The following DOCK3 variants were observed in gnomAD, a reference collection of about 807,000 sequenced individuals.
DOCK3 encodes the protein dedicator of cytokinesis protein 3.
Under a neutral mutation model 265.6 loss-of-function variants are expected in DOCK3, and 60 were observed. The observed-to-expected ratio is 0.23, with a 90% CI of 0.18 to 0.28. DOCK3 has a LOEUF of 0.28. Among genes scored for constraint, DOCK3 ranks in the 10% least tolerant of loss-of-function variants. The pLI, the probability that DOCK3 is intolerant of heterozygous loss-of-function variation, is 1.00. For synonymous variants in DOCK3, 881 were observed against 938.0 expected, an observed-to-expected ratio of 0.94 and a Z score of 1.11; for missense variants, 1,981 against 2,594.3, an observed-to-expected ratio of 0.76 and a Z score of 5.14.
intron 1 of DOCK3, among the ~76,000 whole-genome samples, chr3:50,755,731 C>G (rs2040118405): frequency 6.6e-6 from 1 of 152,120 alleles, no homozygotes; most frequent in Admixed American, 6.5e-5. Context: ...TTTGCCTATA[C>G]TGGACATTTC....
chr3:50,678,950 C>T (rs974593231), intron 1 of DOCK3, among the ~76,000 whole-genome samples: 1 of 152,138 alleles, frequency 6.6e-6, no homozygotes, highest in East Asian at 1.9e-4. Flanking sequence ...GCTGGGACTA[C>T]AGGTGCCCGC....
At chr3:50,832,521 G>T (rs974665627) in intron 2 of DOCK3, among the ~76,000 whole-genome samples, 1 of 152,038 alleles carries the variant, frequency 6.6e-6, no homozygotes, top group African/African-American at 2.4e-5. Flanking sequence ...TAGAAGAAAA[G>T]TGCAACCTGT....
intron 2 of DOCK3, among the ~76,000 whole-genome samples, chr3:50,826,022 T>C (rs2044737555): frequency 6.6e-6 from 1 of 151,990 alleles, no homozygotes; most frequent in South Asian, 2.1e-4. Context: ...GTATTTCCCA[T>C]GGCAAGCAGT....
intron 35 of DOCK3, among the ~76,000 whole-genome samples, chr3:51,336,521 C>T (rs1341627160): frequency 6.6e-6 from 1 of 152,170 alleles, no homozygotes; most frequent in African/African-American, 2.4e-5. Context: ...CAGCCCACTA[C>T]TCAGGTGAGC....
intron 49 of DOCK3, among the ~76,000 whole-genome samples, chr3:51,370,860 A>G (rs1249563684): frequency 1.3e-5 from 2 of 152,208 alleles, no homozygotes; most frequent in Non-Finnish European, 2.9e-5. Context: ...CAGGTGGGCT[A>G]GATATTCGAG....
intron 5 of DOCK3, among the ~76,000 whole-genome samples, chr3:51,017,612 C>T (rs904508085): frequency 1.3e-5 from 2 of 151,772 alleles, no homozygotes; most frequent in African/African-American, 2.4e-5. Context: ...TCTTCATTGA[C>T]TCACTTTTCA....
At chr3:50,908,093 T>A (rs2049632815) in intron 4 of DOCK3, among the ~76,000 whole-genome samples, 1 of 152,018 alleles carries the variant, frequency 6.6e-6, no homozygotes. Context: ...TAATTGTGTC[T>A]ATTTGATTCT....
At chr3:51,025,037 CACCAGCTGCCGTAAT>C (rs1049423448) in intron 5 of DOCK3, among the ~76,000 whole-genome samples, 1 of 152,182 alleles carries the variant, frequency 6.6e-6, no homozygotes, top group African/African-American at 2.4e-5. Context: ...TTCAAAAGAG[CACCAGCTGCCGTAAT>C]AACAGTGGGA....
intron 5 of DOCK3, among the ~76,000 whole-genome samples, chr3:50,941,018 A>G (rs376656615): frequency 9.2e-5 from 14 of 152,212 alleles, no homozygotes; most frequent in African/African-American, 3.4e-4. Context: ...ACCTAGTCTT[A>G]AGTGGAGACA....
intron 2 of DOCK3, among the ~76,000 whole-genome samples, chr3:50,827,323 G>A (rs1384903681): frequency 6.6e-6 from 1 of 152,214 alleles, no homozygotes; most frequent in Non-Finnish European, 1.5e-5. Context: ...GCTGGGAAGT[G>A]CAAGAACAAG....
At position 51,140,047 on chromosome 3, in the gene DOCK3, T is replaced by C. The variant is rs573744902; in HGVS notation, c.747-6502T>C. Among the ~76,000 whole-genome samples the C allele has an allele frequency of 2.0e-5, 3 of 152,270 alleles. No homozygotes were observed. In the South Asian group the frequency reaches 6.2e-4, roughly 32 times the overall value. On this transcript the variant is annotated intron_variant, in intron 9 of 52. Coordinates refer to ENST00000266037, the MANE Select transcript of DOCK3 (RefSeq NM_004947.5). ...GGAGAGTTTACGTGTTATCTGAGAG[T>C]AAGAGTAAACCACGAAAAAGTTTGT...
At chr3:51,060,793 G>A (rs1295223596) in intron 5 of DOCK3, among the ~76,000 whole-genome samples, 1 of 152,090 alleles carries the variant, frequency 6.6e-6, no homozygotes, top group Non-Finnish European at 1.5e-5. Flanking sequence ...TTTGGTTACT[G>A]TAGCCTTGTA....
chr3:50,709,386 T>G (rs2036612676), intron 1 of DOCK3, among the ~76,000 whole-genome samples: 1 of 152,238 alleles, frequency 6.6e-6, no homozygotes. Flanking sequence ...TGCCTTTTTA[T>G]TTCTTTTTCT....
At chr3:51,338,160 A>G (rs760758939) in intron 35 of DOCK3, among the ~76,000 whole-genome samples, 199 bp from the exon 36 acceptor site, 9 of 152,194 alleles carry the variant, frequency 5.9e-5, no homozygotes, top group African/African-American at 1.2e-4. Flanking sequence ...GCTCAGTTGA[A>G]CAGAGATCTT....
At chr3:51,366,924 T>G (rs1217197313) in intron 49 of DOCK3, among the ~76,000 whole-genome samples, 1 of 152,224 alleles carries the variant, frequency 6.6e-6, no homozygotes, top group South Asian at 2.1e-4. Flanking sequence ...TGGTCAATTT[T>G]GGAATAGGTG....
At chr3:51,085,187 T>C (rs2082376120) in intron 7 of DOCK3, among the ~76,000 whole-genome samples, 1 of 152,198 alleles carries the variant, frequency 6.6e-6, no homozygotes, top group African/African-American at 2.4e-5. Context: ...GCAAATACTA[T>C]CAGAGCAAAA....
intron 12 of DOCK3, among the ~76,000 whole-genome samples, chr3:51,195,175 A>G (rs556247048): frequency 6.6e-5 from 10 of 152,182 alleles, no homozygotes; most frequent in African/African-American, 2.4e-4. Flanking sequence ...TTAAAAATCT[A>G]TTCAGCCATT....
chr3:51,198,579 CA>C (rs33915233), intron 12 of DOCK3, among the ~76,000 whole-genome samples: 9,709 of 131,038 alleles, frequency 0.074, 723 homozygotes, highest in East Asian at 0.31. Context: ...GACAGGTCAC[CA>C]AAAAAAAAAA....
intron 1 of DOCK3, among the ~76,000 whole-genome samples, chr3:50,697,540 G>A (rs977756711): frequency 3.3e-5 from 5 of 152,142 alleles, no homozygotes; most frequent in Non-Finnish European, 7.4e-5. Flanking sequence ...GCAGTGAGCC[G>A]AGATCGTGCC....
Sources: allele counts gnomAD v4.1 joint callset (sites outside exome capture counted in the v4.1 genomes callset), GRCh38; gene constraint gnomAD v4.1.1; transcripts MANE v1.5; gene names NCBI Gene and HGNC (gene_info 2026-07-23, HGNC 2026-07-21).